Variants in PLS1 observed in about 807,000 individuals in gnomAD.
PLS1 encodes the protein plastin 1, also known as plastin-1.
In PLS1, 32 loss-of-function variants were observed where a neutral mutation model predicts 73.7. That is an observed-to-expected ratio of 0.43 (90% CI 0.33 to 0.58). The LOEUF (loss-of-function observed/expected upper bound fraction) is 0.58. Ranked by LOEUF, PLS1 falls within the 20% of genes least tolerant of loss-of-function variation. The pLI is 0.04. For missense variants in PLS1, 633 were observed against 740.5 expected (o/e 0.85, Z 1.68); for synonymous variants, 217 against 261.3 (o/e 0.83, Z 1.63).
intron 10 of PLS1, among the ~76,000 whole-genome samples, chr3:142,692,154 A>T (rs7650240): frequency 0.18 from 27,960 of 152,070 alleles, 2,759 homozygotes; most frequent in African/African-American, 0.23. Context: ...AAAGCACTTC[A>T]TATGTCACAG....
chr3:142,653,367 T>C (rs1439458612), intron 1 of PLS1, among the ~76,000 whole-genome samples: 1 of 135,520 alleles, frequency 7.4e-6, no homozygotes, highest in African/African-American at 2.9e-5. Flanking sequence ...TCAGAAACTT[T>C]TTTTTTTTTT....
chr3:142,620,193 C>G (rs774254798), intron 1 of PLS1, among the ~76,000 whole-genome samples: 4 of 151,912 alleles, frequency 2.6e-5, no homozygotes, highest in Admixed American at 2.0e-4. Flanking sequence ...GGCACGATCT[C>G]GGCTCACTGC....
chr3:142,655,722 CAAAA>C (rs869165571), intron 1 of PLS1, among the ~76,000 whole-genome samples: 6 of 65,364 alleles, frequency 9.2e-5, no homozygotes, highest in Admixed American at 2.0e-4. Context: ...AATTCCGTCT[CAAAA>C]AAAAAAAAAA....
At chr3:142,676,012 T>C in intron 4 of PLS1, 145 bp from the exon 5 acceptor site, 1 of 679,256 alleles carries the variant, frequency 1.5e-6, no homozygotes, top group Non-Finnish European at 2.4e-6. Flanking sequence ...CCTTTTGTGT[T>C]TTAGTAGATT....
At chr3:142,702,577 C>T (rs181800058) in intron 12 of PLS1, among the ~76,000 whole-genome samples, 42 of 152,216 alleles carry the variant, frequency 2.8e-4, no homozygotes, top group Non-Finnish European at 5.0e-4. Flanking sequence ...AGTGTAAGCA[C>T]TTTTGTTCCT....
At chr3:142,665,218 T>C (rs1435268662) in intron 2 of PLS1, among the ~76,000 whole-genome samples, 1 of 149,214 alleles carries the variant, frequency 6.7e-6, no homozygotes, top group Non-Finnish European at 1.5e-5. Context: ...CTAAAATTAA[T>C]GTGAGTAAAA....
rs374808612 is a variant in PLS1 at position 142,689,769 on chromosome 3, T to C, written c.1133T>C (p.Leu378Pro). 2.5e-6 allele frequency: 4 copies of C among 1,602,674 alleles called. No individual in the cohort carries two copies. The highest frequency in any genetic ancestry group is 3.4e-6 in the Non-Finnish European group (4 of 1,175,558). The change falls in exon 10 of 16, where the codon CTG becomes CCG. Residue 378 changes from leucine to proline, a missense_variant. Physicochemically the swap from Leu to Pro is moderately conservative, Grantham distance 98. Transcript: ENST00000457734. ...AATTTGTTTAACACATACCCGTGCC[T>C]GCACAAGCCGAATAATAATGACATC... ...VANLFNTYPCLHKPNNNDIDM... is the reference protein window; with the variant it reads ...VANLFNTYPCPHKPNNNDIDM...
At chr3:142,678,604 A>G (rs1222754132) in intron 6 of PLS1, among the ~76,000 whole-genome samples, 1 of 151,438 alleles carries the variant, frequency 6.6e-6, no homozygotes, top group Non-Finnish European at 1.5e-5. Flanking sequence ...ACATGAACTC[A>G]TCATTTTTTA....
chr3:142,706,460 C>T (rs1471612312), intron 14 of PLS1, among the ~76,000 whole-genome samples: 2 of 151,990 alleles, frequency 1.3e-5, no homozygotes, highest in African/African-American at 4.8e-5. Flanking sequence ...AGGCATGTCT[C>T]AGAAAGTTAG....
At chr3:142,646,320 A>G (rs960158379) in intron 1 of PLS1, among the ~76,000 whole-genome samples, 1 of 151,918 alleles carries the variant, frequency 6.6e-6, no homozygotes, top group Non-Finnish European at 1.5e-5. Flanking sequence ...TTGGATAGGG[A>G]GCTAGGGGGA....
chr3:142,629,019 C>T (rs2036493633), intron 1 of PLS1, among the ~76,000 whole-genome samples: 1 of 152,156 alleles, frequency 6.6e-6, no homozygotes, highest in South Asian at 2.1e-4. Flanking sequence ...ATCATGTGGA[C>T]TTGTTCCTCA....
chr3:142,687,987 G>A (rs1339545381), intron 9 of PLS1, among the ~76,000 whole-genome samples: 1 of 147,392 alleles, frequency 6.8e-6, no homozygotes, highest in Non-Finnish European at 1.5e-5. Context: ...TTGCTCTGTC[G>A]CCCAGGCTGG....
At chr3:142,598,974 A>G (rs1046852330) in intron 1 of PLS1, among the ~76,000 whole-genome samples, 1 of 151,612 alleles carries the variant, frequency 6.6e-6, no homozygotes, top group Admixed American at 6.6e-5. Flanking sequence ...GCACTCCAGC[A>G]TGGGCGACAG....
At chr3:142,611,583 C>T (rs367842857) in intron 1 of PLS1, among the ~76,000 whole-genome samples, 1 of 152,150 alleles carries the variant, frequency 6.6e-6, no homozygotes, top group African/African-American at 2.4e-5. Context: ...GATTGTACCA[C>T]TGTACTGCAA....
intron 6 of PLS1, among the ~76,000 whole-genome samples, chr3:142,681,052 A>G (rs1239193429): frequency 1.3e-5 from 2 of 152,200 alleles, no homozygotes; most frequent in African/African-American, 4.8e-5. Context: ...TCTTCTATAG[A>G]AAGCTAGTCT....
rs6787302 is a variant in PLS1 at position 142,653,584 on chromosome 3, C to T, written c.-36-10618C>T. Among the ~76,000 whole-genome samples, 376 of 152,000 alleles carry T rather than the reference C, an allele frequency of 2.5e-3. 2 individuals carry two copies. The highest frequency in any genetic ancestry group is 8.6e-3 in the African/African-American group (356 of 41,466). ...TCACCATGTTGCCCAAGCTGGTCTC[C>T]ATCTCCTGAGCTCAAGCGATCTGCC... is the stretch of plus-strand genomic sequence containing the variant. On this transcript the variant is annotated intron_variant, in intron 1 of 15. Coordinates refer to ENST00000457734, the MANE Select transcript of PLS1 (RefSeq NM_001145319.2).
At chr3:142,607,406 A>G (rs2036043707) in intron 1 of PLS1, among the ~76,000 whole-genome samples, 1 of 152,096 alleles carries the variant, frequency 6.6e-6, no homozygotes, top group African/African-American at 2.4e-5. Context: ...CAGCCTCCTG[A>G]GTGGCTGGTA....
intron 1 of PLS1, among the ~76,000 whole-genome samples, chr3:142,634,226 A>C (rs569488242): frequency 6.6e-6 from 1 of 152,356 alleles, no homozygotes; most frequent in East Asian, 1.9e-4. Context: ...TGTTCCCTGA[A>C]GGAGGAGGGA....
chr3:142,711,422 A>AT (rs1933120264), intron 14 of PLS1, 79 bp from the exon 15 acceptor site: 2 of 1,057,158 alleles, frequency 1.9e-6, no homozygotes, highest in Middle Eastern at 3.1e-4. Context: ...GCCTTCAGTT[A>AT]TATGATCAGA....
Sources: allele counts gnomAD v4.1 joint callset (sites outside exome capture counted in the v4.1 genomes callset), GRCh38; gene constraint gnomAD v4.1.1; transcripts MANE v1.5; gene names NCBI Gene and HGNC (gene_info 2026-07-23, HGNC 2026-07-21).